TRHDE: variants seen among roughly 807,000 people sequenced by gnomAD.
TRHDE encodes the protein thyrotropin-releasing hormone-degrading ectoenzyme.
TRHDE carries 72 observed loss-of-function variants against 125.7 expected under a neutral mutation model. The ratio of observed to expected loss-of-function variants is 0.57; its 90% CI spans 0.47 to 0.70. The LOEUF (loss-of-function observed/expected upper bound fraction) is 0.70, where lower values mean the gene tolerates loss of function less well. Ranked by LOEUF, TRHDE falls within the 30% of genes least tolerant of loss-of-function variation. TRHDE has a pLI of 0.00. For missense variants in TRHDE, 1,110 were observed against 1,327.1 expected (o/e 0.84, Z 2.54); for synonymous variants, 509 against 509.1 (o/e 1.00, Z 0.00).
At chr12:72,097,922 A>T (rs985936508) in intron 1 of TRHDE, among the ~76,000 whole-genome samples, 2 of 152,258 alleles carry the variant, frequency 1.3e-5, no homozygotes, top group Admixed American at 1.3e-4. Context: ...CAGTCAAAAA[A>T]TACTCATGGA....
At chr12:72,419,314 G>A (rs149803670) in intron 3 of TRHDE, among the ~76,000 whole-genome samples, 2 of 152,270 alleles carry the variant, frequency 1.3e-5, no homozygotes, top group East Asian at 3.9e-4. Context: ...AGAGGTGTGT[G>A]ACCAATTGTC....
At chr12:72,184,405 A>T (rs1179085283) in intron 2 of TRHDE, among the ~76,000 whole-genome samples, 1 of 152,072 alleles carries the variant, frequency 6.6e-6, no homozygotes, top group African/African-American at 2.4e-5. Context: ...CTTCTTCCCC[A>T]GCCCAAGCAC....
intron 2 of TRHDE, among the ~76,000 whole-genome samples, chr12:72,319,567 C>G (rs1223114346): frequency 6.6e-6 from 1 of 152,030 alleles, no homozygotes; most frequent in Admixed American, 6.6e-5. Flanking sequence ...GTAACTTTAT[C>G]TTTCTCTATC....
At chr12:72,190,144 T>C (rs905213179) in intron 2 of TRHDE, among the ~76,000 whole-genome samples, 1 of 152,192 alleles carries the variant, frequency 6.6e-6, no homozygotes, top group Non-Finnish European at 1.5e-5. Flanking sequence ...CTAGCAGCAC[T>C]CCATCATCAG....
chr12:72,595,207 T>C (rs551596480), intron 12 of TRHDE, among the ~76,000 whole-genome samples: 6 of 151,600 alleles, frequency 4.0e-5, no homozygotes, highest in Non-Finnish European at 8.8e-5. Context: ...GGCACATGTA[T>C]AGGTATGTAA....
At chr12:72,550,878 T>G (rs920780439) in intron 7 of TRHDE, among the ~76,000 whole-genome samples, 15 of 152,092 alleles carry the variant, frequency 9.9e-5, no homozygotes, top group African/African-American at 3.4e-4. Flanking sequence ...AAAATAAATT[T>G]CTTACTAATT....
At chr12:72,521,473 A>G (rs1480346793) in intron 6 of TRHDE, among the ~76,000 whole-genome samples, 1 of 152,124 alleles carries the variant, frequency 6.6e-6, no homozygotes, top group Non-Finnish European at 1.5e-5. Flanking sequence ...CAATTCTGAG[A>G]AACATGGTTT....
chr12:72,595,126 G>A (rs545132900), intron 12 of TRHDE, among the ~76,000 whole-genome samples: 1 of 107,322 alleles, frequency 9.3e-6, no homozygotes, highest in Non-Finnish European at 1.8e-5. Context: ...GGTGGGGGGA[G>A]GGGGGAGGGA....
At chr12:72,430,363 ATATATACG>A (rs1874408248) in intron 3 of TRHDE, among the ~76,000 whole-genome samples, 7 of 145,526 alleles carry the variant, frequency 4.8e-5, no homozygotes, top group African/African-American at 1.8e-4. Flanking sequence ...ACATATATAC[ATATATACG>A]TATATATACA....
At chr12:72,177,116 A>G (rs1348259643) in intron 2 of TRHDE, among the ~76,000 whole-genome samples, 1 of 151,900 alleles carries the variant, frequency 6.6e-6, no homozygotes, top group African/African-American at 2.4e-5. Flanking sequence ...TCGGAGCATC[A>G]CCAAAGGTTT....
intron 2 of TRHDE, among the ~76,000 whole-genome samples, chr12:72,148,012 G>A (rs938934760): frequency 3.9e-5 from 6 of 152,206 alleles, no homozygotes; most frequent in African/African-American, 1.4e-4. Flanking sequence ...GTACTTTGCA[G>A]TTTTCACACT....
rs182718728 is a variant in TRHDE at position 72,629,548 on chromosome 12, G to A, written c.2675+7797G>A. On this transcript the variant is annotated intron_variant, in intron 15 of 18. Coordinates refer to ENST00000261180, the MANE Select transcript of TRHDE (RefSeq NM_013381.3). ...GTTTATTACAGTACAAGTGCTCAGTGAATATAGATTCACATGGGCAACTAA... is the reference window on the plus strand; with the variant it reads ...GTTTATTACAGTACAAGTGCTCAGTAAATATAGATTCACATGGGCAACTAA... Among the ~76,000 whole-genome samples, 215 of 151,704 alleles carry A rather than the reference G, an allele frequency of 1.4e-3. 1 individual carries two copies. Among genetic ancestry groups the A allele is most frequent in the African/African-American group, 5.0e-3 (207 of 41,450 alleles).
chr12:72,268,991 G>T (rs1406066144), upstream of TRHDE, among the ~76,000 whole-genome samples: 1 of 152,002 alleles, frequency 6.6e-6, no homozygotes, highest in Non-Finnish European at 1.5e-5. Flanking sequence ...GCACCACATG[G>T]TCCCAGTATT....
intron 12 of TRHDE, among the ~76,000 whole-genome samples, chr12:72,609,867 C>G (rs1012614750): frequency 1.5e-5 from 2 of 137,638 alleles, no homozygotes; most frequent in African/African-American, 3.1e-5. Flanking sequence ...GTAGACTCAA[C>G]CTCTGAAAAA....
chr12:72,513,699 A>AT (rs953521370), intron 6 of TRHDE, among the ~76,000 whole-genome samples: 14 of 151,598 alleles, frequency 9.2e-5, no homozygotes, highest in Non-Finnish European at 1.0e-4. Flanking sequence ...AGACACAGAG[A>AT]TTTTTTTTTA....
chr12:72,320,807 T>A (rs1023945272), intron 2 of TRHDE, among the ~76,000 whole-genome samples: 11 of 152,314 alleles, frequency 7.2e-5, no homozygotes, highest in South Asian at 6.2e-4. Context: ...TCTTGGTCTG[T>A]TACTAGCTGT....
rs534830357 is a variant in TRHDE, at chr12:72,534,591, A to G, written c.1723-7700A>G. Among the ~76,000 whole-genome samples the G allele has an allele frequency of 1.4e-4, 21 of 152,066 alleles. No individual in the cohort carries two copies. The East Asian group carries it at 4.1e-3, about 30-fold the overall frequency. Reference sequence around the variant, plus strand: ...GAGCTAGCATAAAAAGATGATATTGATGATGATGAAGATAACAATACCTAC... The same window carrying G: ...GAGCTAGCATAAAAAGATGATATTGGTGATGATGAAGATAACAATACCTAC... On this transcript the variant is annotated intron_variant, in intron 6 of 18. Transcript: ENST00000261180.
intron 6 of TRHDE, among the ~76,000 whole-genome samples, chr12:72,529,892 T>C (rs1868451917): frequency 6.6e-6 from 1 of 152,180 alleles, no homozygotes; most frequent in Non-Finnish European, 1.5e-5. Flanking sequence ...AACAAATCAA[T>C]GTTCTTACGC....
chr12:72,215,444 A>G (rs1422808337), intron 2 of TRHDE, among the ~76,000 whole-genome samples: 3 of 152,224 alleles, frequency 2.0e-5, no homozygotes, highest in Non-Finnish European at 4.4e-5. Flanking sequence ...GCTTGGGCTC[A>G]GAGGCCTGAC....
Sources: gnomAD v4.1 joint callset for allele counts (sites outside exome capture counted in the v4.1 genomes callset) on GRCh38, gnomAD v4.1.1 for gene constraint, MANE v1.5 for transcripts, NCBI Gene and HGNC (gene_info 2026-07-23, HGNC 2026-07-21) for gene names.